ZNF644: variants seen among roughly 807,000 people sequenced by gnomAD.
The protein encoded by ZNF644 is zinc finger protein 644.
In ZNF644, 20 loss-of-function variants were observed where a neutral mutation model predicts 108.0. That is an observed-to-expected ratio of 0.19 (90% CI 0.13 to 0.27). ZNF644 has a LOEUF of 0.27. ZNF644 is among the 10% of genes least tolerant of loss of function. The pLI is 1.00. For missense variants in ZNF644, 1,338 were observed against 1,548.9 expected (o/e 0.86, Z 2.29); for synonymous variants, 542 against 539.1 (o/e 1.01, Z -0.08).
chr1:90,971,164 A>G (rs899441586), intron 2 of ZNF644, among the ~76,000 whole-genome samples: 9 of 152,018 alleles, frequency 5.9e-5, no homozygotes, highest in African/African-American at 2.4e-5. Flanking sequence ...TAAACAGCAC[A>G]TTAAAAGTAT....
Position 90,939,955 on chromosome 1 carries a change from T to G in ZNF644, c.1399A>C (p.Met467Leu), listed in dbSNP as rs765845851. Residue 467 changes from methionine to leucine, a missense_variant, in exon 3 of 6, where the codon ATG (methionine) becomes CTG (leucine). Transcript: ENST00000337393. ...FRDRNSLLKH[M>L]IIHQERRQKL... ...TGTCTTCTCTCCTGGTGAATAATCATATGTTTTAGAAGTGAATTGCGATCT... is the reference window on the plus strand; with the variant it reads ...TGTCTTCTCTCCTGGTGAATAATCAGATGTTTTAGAAGTGAATTGCGATCT... 1 of 1,613,960 alleles carries G rather than the reference T, an allele frequency of 6.2e-7. No individual in the cohort carries two copies.
intron 1 of ZNF644, among the ~76,000 whole-genome samples, chr1:90,995,420 A>C (rs1453956034): frequency 6.6e-6 from 1 of 152,188 alleles, no homozygotes; most frequent in Non-Finnish European, 1.5e-5. Flanking sequence ...GCAGTCCAAC[A>C]TATATGTAAG....
intron 2 of ZNF644, among the ~76,000 whole-genome samples, chr1:90,941,847 T>C (rs1416281060): frequency 1.3e-5 from 2 of 152,194 alleles, no homozygotes; most frequent in African/African-American, 2.4e-5. Flanking sequence ...AATAACTTTA[T>C]TGAATGAACA....
chr1:90,951,833 G>C (rs1387545121), intron 2 of ZNF644, among the ~76,000 whole-genome samples: 1 of 152,208 alleles, frequency 6.6e-6, no homozygotes, highest in Non-Finnish European at 1.5e-5. Context: ...CAAGGGTCAA[G>C]AAGAGAGCTG....
At chr1:91,012,811 A>C (rs1371123658) in intron 1 of ZNF644, among the ~76,000 whole-genome samples, 1 of 152,110 alleles carries the variant, frequency 6.6e-6, no homozygotes, top group African/African-American at 2.4e-5. Context: ...GTTGTACTTA[A>C]GATTTGTGCA....
chr1:90,938,095 A>C lies in ZNF644; in HGVS notation c.3083-5T>G. The C allele has an allele frequency of 1.2e-6, 2 of 1,610,800 alleles. No individual in the cohort carries two copies. Among genetic ancestry groups the C allele is most frequent in the Non-Finnish European group, 1.7e-6 (2 of 1,179,596 alleles). On this transcript the variant is annotated splice_region_variant and splice_polypyrimidine_tract_variant and intron_variant, in intron 3 of 5. Coordinates refer to ENST00000337393, the MANE Select transcript of ZNF644 (RefSeq NM_201269.3). This position sits in a 1 kb window ranked among gnomAD's most constrained non-coding sequence, Gnocchi z 4.2. ...TGGTTTCAGACTTCTCTATAGCTAG[A>C]AAAAAATTTTTAAGAGTAATATCAG...
At chr1:90,918,364 A>G in intron 4 of ZNF644, 1 of 564,700 alleles carries the variant, frequency 1.8e-6, no homozygotes, top group Non-Finnish European at 3.2e-6. Context: ...ATCTGTACTG[A>G]AGAATACTAT....
intron 2 of ZNF644, among the ~76,000 whole-genome samples, chr1:90,970,450 T>C (rs938588122): frequency 6.6e-6 from 1 of 152,210 alleles, no homozygotes; most frequent in African/African-American, 2.4e-5. Flanking sequence ...TACCAAGGCC[T>C]ATAGACTTTT....
In ZNF644 at chr1:90,915,379, G is replaced by A. The variant is rs1167283542; in HGVS notation, c.*1419C>T. On this transcript the variant is annotated 3_prime_UTR_variant, in exon 6 of 6. Coordinates refer to ENST00000337393, the MANE Select transcript of ZNF644 (RefSeq NM_201269.3). ...CCATAGGAAAGCAATTTCACTGGCAGTGAGGTATGTATATACTCTACCAAA... is the reference window on the plus strand; with the variant it reads ...CCATAGGAAAGCAATTTCACTGGCAATGAGGTATGTATATACTCTACCAAA... The A allele has an allele frequency of 6.6e-6, 1 of 152,480 alleles. No individual in the cohort carries two copies. The highest frequency in any genetic ancestry group is 2.4e-5 in the African/African-American group (1 of 41,412). The allele number at this position is 152,480 out of a possible 1,614,324, so 9.4% of individuals were successfully genotyped here. A position where few individuals can be genotyped will look rare whatever the true frequency, so the allele number is the denominator to read the frequency against.
chr1:90,984,832 A>C (rs939362432), intron 1 of ZNF644, among the ~76,000 whole-genome samples: 1 of 152,196 alleles, frequency 6.6e-6, no homozygotes, highest in Non-Finnish European at 1.5e-5. Context: ...TGAGAAAATA[A>C]ATTTCTGTTG....
At chr1:90,987,742 G>C (rs1428744133) in intron 1 of ZNF644, among the ~76,000 whole-genome samples, 7 of 152,016 alleles carry the variant, frequency 4.6e-5, no homozygotes, top group Admixed American at 2.0e-4. Flanking sequence ...CAAAATTATA[G>C]ACGTATATCT....
intron 1 of ZNF644, among the ~76,000 whole-genome samples, chr1:91,007,239 T>G (rs1436668575): frequency 2.2e-5 from 3 of 137,742 alleles, no homozygotes; most frequent in African/African-American, 8.2e-5. Flanking sequence ...TTTTTTTTTT[T>G]TTTTTTTTTT....
chr1:90,958,707 T>G (rs1338714647), intron 2 of ZNF644, among the ~76,000 whole-genome samples: 1 of 152,156 alleles, frequency 6.6e-6, no homozygotes, highest in Non-Finnish European at 1.5e-5. Context: ...GCCAAGACCA[T>G]TCAATGGGGA....
At chr1:90,946,667 C>A (rs1008074773) in intron 2 of ZNF644, among the ~76,000 whole-genome samples, 1 of 151,790 alleles carries the variant, frequency 6.6e-6, no homozygotes, top group Non-Finnish European at 1.5e-5. Context: ...ATTAAATGAC[C>A]AACACACTGC....
intron 2 of ZNF644, chr1:90,972,625 T>G (rs188519127): frequency 9.9e-5 from 15 of 152,270 alleles, no homozygotes; most frequent in African/African-American, 2.6e-4. Flanking sequence ...TATATATCCT[T>G]GAAAATTGAA....
intron 1 of ZNF644, among the ~76,000 whole-genome samples, chr1:91,003,710 A>G (rs1346965302): frequency 6.6e-6 from 1 of 152,118 alleles, no homozygotes; most frequent in Non-Finnish European, 1.5e-5. Flanking sequence ...AAAGAAAAAA[A>G]GAAGGAAGTA....
chr1:90,944,188 G>A (rs1424918007), intron 2 of ZNF644, among the ~76,000 whole-genome samples: 1 of 152,144 alleles, frequency 6.6e-6, no homozygotes, highest in Admixed American at 6.5e-5. Context: ...AGATGGAACA[G>A]ACGCTTCCCA....
intron 2 of ZNF644, among the ~76,000 whole-genome samples, chr1:90,954,372 C>T (rs931159477): frequency 4.6e-5 from 7 of 151,918 alleles, no homozygotes; most frequent in African/African-American, 1.2e-4. Flanking sequence ...CAGGTTTTAT[C>T]GTGAGATTGC....
chr1:91,017,576 A>T (rs1230821819), intron 1 of ZNF644, among the ~76,000 whole-genome samples: 1 of 152,206 alleles, frequency 6.6e-6, no homozygotes, highest in African/African-American at 2.4e-5. Context: ...AACATCTCTC[A>T]ATTGTCAAAG....
Sources: gnomAD v4.1 joint callset for allele counts (sites outside exome capture counted in the v4.1 genomes callset) on GRCh38, gnomAD v4.1.1 for gene constraint, Gnocchi (gnomAD v3.1) non-coding constraint, MANE v1.5 for transcripts, NCBI Gene and HGNC (gene_info 2026-07-23, HGNC 2026-07-21) for gene names.